EPC2: variants seen among roughly 807,000 people sequenced by gnomAD.
EPC2 encodes enhancer of polycomb 2.
Under a neutral mutation model 92.1 loss-of-function variants are expected in EPC2, and 14 were observed. The observed-to-expected ratio is 0.15, with a 90% confidence interval of 0.10 to 0.24. The LOEUF is 0.24. Among genes scored for constraint, EPC2 ranks in the 10% least tolerant of loss-of-function variants. The probability of loss-of-function intolerance (pLI) is 1.00; values close to 1 mark genes in which losing one functional copy is unlikely to be tolerated. For missense variants in EPC2, 755 were observed against 971.5 expected (o/e 0.78, Z 2.96); for synonymous variants, 340 against 334.7 (o/e 1.02, Z -0.17).
intron 2 of EPC2, among the ~76,000 whole-genome samples, chr2:148,709,140 A>G (rs995215610): frequency 9.9e-5 from 15 of 152,246 alleles, no homozygotes; most frequent in Admixed American, 7.2e-4. Flanking sequence ...AAGCAACTTC[A>G]GCAAAGTCTC....
At chr2:148,705,777 C>G (rs181723676) in intron 2 of EPC2, among the ~76,000 whole-genome samples, 1 of 152,300 alleles carries the variant, frequency 6.6e-6, no homozygotes, top group Non-Finnish European at 1.5e-5. Context: ...AGAAGGAAAA[C>G]TAACAAACAA....
chr2:148,717,416 A>G lies in EPC2; in HGVS notation c.314-26206A>G, dbSNP rs1348470160. 2.6e-5 allele frequency among the ~76,000 whole-genome samples: 4 copies of G among 152,222 alleles called. No individual in the cohort carries two copies. The South Asian group carries it at 6.2e-4, about 24-fold the overall frequency. ...TCCCGCTTAACACTGCTTTAGCTGC[A>G]TCCCAGAGATTCTGGTACATTGTAT... On this transcript the variant is annotated intron_variant, in intron 2 of 13. Coordinates refer to ENST00000258484, the MANE Select transcript of EPC2 (RefSeq NM_015630.4).
At chr2:148,773,271 A>AGGC (rs199681971) in intron 10 of EPC2, among the ~76,000 whole-genome samples, 2,144 of 152,276 alleles carry the variant, frequency 0.014, 52 homozygotes, top group African/African-American at 0.049. Context: ...CTGTTATCTT[A>AGGC]GGCGTGCATG....
At chr2:148,733,542 G>C (rs1364665402) in intron 2 of EPC2, among the ~76,000 whole-genome samples, 1 of 127,246 alleles carries the variant, frequency 7.9e-6, no homozygotes, top group East Asian at 2.7e-4. Context: ...CTGTCACCCA[G>C]GCGGGAGTGC....
chr2:148,645,728 C>T lies in EPC2; in HGVS notation c.153+558C>T, dbSNP rs1045267619. 2.0e-5 allele frequency among the ~76,000 whole-genome samples: 3 copies of T among 152,148 alleles called. No individual in the cohort carries two copies. In the South Asian group the frequency reaches 6.2e-4, roughly 32 times the overall value. On this transcript the variant is annotated intron_variant, in intron 1 of 13. Coordinates refer to ENST00000258484, the MANE Select transcript of EPC2 (RefSeq NM_015630.4). ...GGTGCAGCACTGCGGCGGGGGAGGGCGGGGGCCACGACTACCGAGCGGGTC... is the reference window on the plus strand; with the variant it reads ...GGTGCAGCACTGCGGCGGGGGAGGGTGGGGGCCACGACTACCGAGCGGGTC...
At chr2:148,732,309 T>C (rs1682648905) in intron 2 of EPC2, among the ~76,000 whole-genome samples, 1 of 151,974 alleles carries the variant, frequency 6.6e-6, no homozygotes, top group Non-Finnish European at 1.5e-5. Flanking sequence ...CCTGATGCCG[T>C]CAAACAGTGC....
intron 3 of EPC2, among the ~76,000 whole-genome samples, chr2:148,748,984 T>G (rs2105412313): frequency 6.6e-6 from 1 of 152,308 alleles, no homozygotes; most frequent in East Asian, 1.9e-4. Flanking sequence ...AAAAACTTCA[T>G]TGGCTTCCAC....
chr2:148,757,886 AAAAT>A (rs1222164568), intron 4 of EPC2, among the ~76,000 whole-genome samples: 1 of 152,000 alleles, frequency 6.6e-6, no homozygotes, highest in East Asian at 1.9e-4. Context: ...AAAATAAAAT[AAAAT>A]AAATCTGTTT....
rs1268976600 is a variant in EPC2 at position 148,775,778 on chromosome 2, T to TC, written c.1720+4391_1720+4392insC. 1.0e-3 allele frequency among the ~76,000 whole-genome samples: 126 copies of TC among 125,452 alleles called. No homozygotes were observed. The Middle Eastern group carries it at 0.026, about 26-fold the overall frequency. The allele number at this position is 125,452 out of a possible 152,430, so 82.3% of individuals were successfully genotyped here. A position where few individuals can be genotyped will look rare whatever the true frequency, so the allele number is the denominator to read the frequency against. On this transcript the variant is annotated intron_variant, in intron 10 of 13. Coordinates refer to ENST00000258484, the MANE Select transcript of EPC2 (RefSeq NM_015630.4). ...AGAAATATTACCAATTTCTTTTCTT[T>TC]TTTTTTTTTTTTTTTTTGAGATGGA...
intron 1 of EPC2, among the ~76,000 whole-genome samples, chr2:148,647,861 G>T (rs1683837079): frequency 6.6e-6 from 1 of 151,004 alleles, no homozygotes; most frequent in African/African-American, 2.4e-5. Context: ...TCGATCTCTT[G>T]ACTCTTGCTC....
chr2:148,728,857 C>T (rs1018337132), intron 2 of EPC2, among the ~76,000 whole-genome samples: 7 of 150,990 alleles, frequency 4.6e-5, no homozygotes, highest in Admixed American at 1.3e-4. Flanking sequence ...ACAGTGAAAC[C>T]CCGTCTCTAC....
chr2:148,750,868 A>G (rs917533056), intron 3 of EPC2, among the ~76,000 whole-genome samples: 2 of 152,168 alleles, frequency 1.3e-5, no homozygotes, highest in South Asian at 2.1e-4. Context: ...AAAGAAGTAA[A>G]GTTAAAAAAG....
At chr2:148,667,399 G>GT (rs1681076180) in intron 1 of EPC2, among the ~76,000 whole-genome samples, 1 of 152,144 alleles carries the variant, frequency 6.6e-6, no homozygotes, top group Non-Finnish European at 1.5e-5. Context: ...TCTGGAATCT[G>GT]TTTTTTCACT....
intron 1 of EPC2, among the ~76,000 whole-genome samples, chr2:148,687,907 C>T (rs1275402572): frequency 6.6e-6 from 1 of 152,054 alleles, no homozygotes; most frequent in East Asian, 1.9e-4. Context: ...ATCATCTTAC[C>T]TTCCTTTTAA....
At chr2:148,645,437 C>T in intron 1 of EPC2, 1 of 405,304 alleles carries the variant, frequency 2.5e-6, no homozygotes, top group Non-Finnish European at 4.5e-6. Flanking sequence ...TAAGCGGCGG[C>T]CGGGAATGGC....
At chr2:148,774,606 C>T (rs1427173880) in intron 10 of EPC2, among the ~76,000 whole-genome samples, 1 of 104,270 alleles carries the variant, frequency 9.6e-6, no homozygotes, top group African/African-American at 3.2e-5. Flanking sequence ...GACCCTGACT[C>T]AAAAAAAAAA....
At chr2:148,740,887 A>G (rs1682868786) in intron 2 of EPC2, among the ~76,000 whole-genome samples, 1 of 152,182 alleles carries the variant, frequency 6.6e-6, no homozygotes, top group African/African-American at 2.4e-5. Flanking sequence ...GACTGTCATT[A>G]TGTGCATTTA....
intron 2 of EPC2, among the ~76,000 whole-genome samples, chr2:148,705,257 T>C (rs1389969632): frequency 6.6e-6 from 1 of 152,036 alleles, no homozygotes; most frequent in Non-Finnish European, 1.5e-5. Flanking sequence ...TTAAGTAAGA[T>C]GTTATGTTTT....
intron 1 of EPC2, among the ~76,000 whole-genome samples, chr2:148,673,786 G>A (rs182752323): frequency 2.8e-4 from 42 of 151,986 alleles, no homozygotes; most frequent in Middle Eastern, 3.4e-3. Flanking sequence ...GGGTTTTGCC[G>A]TGTTGGTCAG....
Sources: allele counts gnomAD v4.1 joint callset (sites outside exome capture counted in the v4.1 genomes callset), GRCh38; gene constraint gnomAD v4.1.1; transcripts MANE v1.5; gene names NCBI Gene and HGNC (gene_info 2026-07-23, HGNC 2026-07-21).